SLC2A9: variants seen among roughly 807,000 people sequenced by gnomAD.
SLC2A9 encodes solute carrier family 2, facilitated glucose transporter member 9.
Under a neutral mutation model 50.6 loss-of-function variants are expected in SLC2A9, and 39 were observed. The observed-to-expected ratio is 0.77, with a 90% CI of 0.60 to 1.01. SLC2A9 has a LOEUF of 1.01. Ranked by LOEUF, SLC2A9 falls within the 50% of genes least tolerant of loss-of-function variation. SLC2A9 has a pLI of 0.00. For missense variants in SLC2A9, 686 were observed against 677.6 expected (o/e 1.01, Z -0.14); for synonymous variants, 324 against 276.9 (o/e 1.17, Z -1.69).
At chr4:9,782,606 CT>C in intron 3 of SLC2A9, 1 of 1,614,002 alleles carries the variant, frequency 6.2e-7, no homozygotes, top group Non-Finnish European at 8.5e-7. Context: ...CGGGCTGGAC[CT>C]GCCAAACAAC....
intron 5 of SLC2A9, among the ~76,000 whole-genome samples, chr4:9,970,535 G>A (rs892968245): frequency 2.6e-5 from 4 of 152,164 alleles, no homozygotes; most frequent in Non-Finnish European, 5.9e-5. Context: ...CTTATAGCCT[G>A]TGGCAGTTTT....
At chr4:9,788,743 A>T (rs1719535040) in intron 3 of SLC2A9, among the ~76,000 whole-genome samples, 1 of 152,112 alleles carries the variant, frequency 6.6e-6, no homozygotes, top group Non-Finnish European at 1.5e-5. Flanking sequence ...CCTAGATTTG[A>T]TTAGTGGGAG....
intron 10 of SLC2A9, among the ~76,000 whole-genome samples, chr4:9,843,961 A>ATT (rs1451158049): frequency 1.3e-5 from 2 of 152,110 alleles, no homozygotes; most frequent in African/African-American, 4.8e-5. Flanking sequence ...CTCTTGCCTT[A>ATT]GTAGCACATG....
chr4:10,023,399 C>G (rs1763642514), upstream of SLC2A9, among the ~76,000 whole-genome samples: 1 of 152,198 alleles, frequency 6.6e-6, no homozygotes, highest in South Asian at 2.1e-4. Flanking sequence ...CTCCTCATCC[C>G]ATTGCTGTGA....
chr4:9,965,817 T>G (rs1415257681), intron 5 of SLC2A9, among the ~76,000 whole-genome samples: 1 of 152,212 alleles, frequency 6.6e-6, no homozygotes, highest in Non-Finnish European at 1.5e-5. Flanking sequence ...TTCGATGACA[T>G]AAGTGACTTT....
chr4:9,842,257 A>G (rs538614525), intron 10 of SLC2A9, among the ~76,000 whole-genome samples: 10 of 152,272 alleles, frequency 6.6e-5, no homozygotes, highest in African/African-American at 2.2e-4. Context: ...AAGGTAAGTT[A>G]TTGGTATTTC....
intron 6 of SLC2A9, among the ~76,000 whole-genome samples, chr4:9,935,730 C>A (rs1746944659): frequency 6.6e-6 from 1 of 152,198 alleles, no homozygotes; most frequent in South Asian, 2.1e-4. Context: ...AGGACGTGTG[C>A]CCCTGAACAT....
At chr4:9,820,100 C>G (rs1247221967) in intron 3 of SLC2A9, among the ~76,000 whole-genome samples, 1 of 152,066 alleles carries the variant, frequency 6.6e-6, no homozygotes, top group Non-Finnish European at 1.5e-5. Flanking sequence ...TTTTTCTAAA[C>G]TTTTTCTAAT....
At chr4:9,776,749 G>A (rs1436037046), downstream of SLC2A9, among the ~76,000 whole-genome samples, 2 of 152,116 alleles carry the variant, frequency 1.3e-5, no homozygotes, top group African/African-American at 4.8e-5. Context: ...TCTTATAACA[G>A]GGGCTTAAAG....
chr4:9,856,878 C>T (rs971468968), intron 10 of SLC2A9, among the ~76,000 whole-genome samples: 3 of 152,232 alleles, frequency 2.0e-5, no homozygotes, highest in Non-Finnish European at 2.9e-5. Flanking sequence ...AAACCAAATA[C>T]CACATGTTCT....
At chr4:9,795,305 C>T (rs780958092), downstream of SLC2A9, among the ~76,000 whole-genome samples, 11 of 152,092 alleles carry the variant, frequency 7.2e-5, no homozygotes, top group African/African-American at 1.2e-4. Context: ...CCACTGTGCC[C>T]GGCTGCATTA....
intron 2 of SLC2A9, among the ~76,000 whole-genome samples, chr4:9,999,341 C>G (rs571420220): frequency 7.2e-5 from 11 of 152,210 alleles, no homozygotes; most frequent in Admixed American, 7.2e-4. Flanking sequence ...TATTCTTAAC[C>G]TGGATTGTGA....
chr4:10,021,606 G>A, upstream of SLC2A9: 1 of 883,632 alleles, frequency 1.1e-6, no homozygotes, highest in South Asian at 1.5e-5. Context: ...CTGCTCCTAA[G>A]TTATTACAGC....
intron 10 of SLC2A9, chr4:9,879,809 A>G: frequency 1.4e-5 from 14 of 985,400 alleles, no homozygotes; most frequent in Non-Finnish European, 1.7e-5. Flanking sequence ...TCTTTTTTTA[A>G]AAGGTGAAGC....
chr4:10,035,313 G>A (rs1172909884), intron 1 of SLC2A9: 3 of 152,164 alleles, frequency 2.0e-5, no homozygotes, highest in Non-Finnish European at 2.9e-5. Flanking sequence ...CTCGACCCTT[G>A]GCCTGGTGCC....
At chr4:9,983,865 A>C (rs1361923117) in intron 4 of SLC2A9, among the ~76,000 whole-genome samples, 1 of 152,224 alleles carries the variant, frequency 6.6e-6, no homozygotes, top group African/African-American at 2.4e-5. Flanking sequence ...AATTAATGGA[A>C]GCAAGTGAGA....
chr4:9,862,179 G>T (rs912158022), intron 10 of SLC2A9, among the ~76,000 whole-genome samples: 1 of 152,020 alleles, frequency 6.6e-6, no homozygotes, highest in African/African-American at 2.4e-5. Flanking sequence ...ACCCTCTTCT[G>T]CCAGGGAGAA....
chr4:9,997,418 G>A (rs540055352), intron 2 of SLC2A9, among the ~76,000 whole-genome samples: 64 of 152,228 alleles, frequency 4.2e-4, no homozygotes, highest in Middle Eastern at 3.4e-3. Context: ...GGCACATACC[G>A]GGTGGGCGCA....
rs564555305 is a variant in SLC2A9 at position 9,781,012 on chromosome 4, G to A, written n.386-947C>T. ...AGGAAAAATCGTTCAAGGACTGGGG[G>A]CGGTGGTGGGGAAAAGGACAATCTC... is the stretch of plus-strand genomic sequence containing the variant. On this transcript the variant is annotated intron_variant and non_coding_transcript_variant, in intron 3 of 3. Coordinates refer to the SLC2A9 transcript ENST00000503803. 6.6e-5 allele frequency among the ~76,000 whole-genome samples: 10 copies of A among 152,268 alleles called. No individual in the cohort carries two copies. The East Asian group carries it at 1.5e-3, about 24-fold the overall frequency.
Sources: allele counts gnomAD v4.1 joint callset (sites outside exome capture counted in the v4.1 genomes callset), GRCh38; gene constraint gnomAD v4.1.1; transcripts MANE v1.5; gene names NCBI Gene and HGNC (gene_info 2026-07-23, HGNC 2026-07-21).